The following BCAS3 variants were observed in gnomAD, a reference collection of about 807,000 sequenced individuals.
The protein encoded by BCAS3 is BCAS3 microtubule associated cell migration factor, also known as BCAS4/BCAS3 fusion.
BCAS3 carries 53 observed loss-of-function variants against 116.1 expected under a neutral mutation model. The ratio of observed to expected loss-of-function variants is 0.46; its 90% confidence interval spans 0.37 to 0.57. The LOEUF (loss-of-function observed/expected upper bound fraction) is 0.57, where lower values mean the gene tolerates loss of function less well. Ranked by LOEUF, BCAS3 falls within the 20% of genes least tolerant of loss-of-function variation. The pLI is 0.00. For missense variants in BCAS3, 917 were observed against 1,165.4 expected, an observed-to-expected ratio of 0.79 and a Z score of 3.10; for synonymous variants, 391 against 408.2, an observed-to-expected ratio of 0.96 and a Z score of 0.51.
rs1380522155 is a variant in BCAS3 at position 61,278,418 on chromosome 17, A to T, written c.2426-89909A>T. Among the ~76,000 whole-genome samples, 4 of 151,974 alleles carry T rather than the reference A, an allele frequency of 2.6e-5. No homozygotes were observed. Among genetic ancestry groups the T allele is most frequent in the African/African-American group, 4.8e-5 (2 of 41,386 alleles). ...TCAAACTCCTGGGCTCACATGATCC[A>T]CCCACCTTGGCCTCCCACAGTGCTG... On this transcript the variant is annotated intron_variant, in intron 22 of 23. Coordinates refer to ENST00000407086, the MANE Select transcript of BCAS3 (RefSeq NM_017679.5). This position sits in a 1 kb window ranked among gnomAD's most constrained non-coding sequence, Gnocchi z 5.8.
In BCAS3 at chr17:61,041,832, T is replaced by C. The variant is rs1352968987; in HGVS notation, c.2029+940T>C. On this transcript the variant is annotated intron_variant, in intron 19 of 23. Transcript: ENST00000407086. The surrounding 1 kb of genome is among the most constrained non-coding windows in gnomAD (Gnocchi z 4.7). ...TTGGCAGTCTTGCTCTCTCATATTA[T>C]TGTTGAACTCTCTGCTTTTTCTAGG... 6.6e-6 allele frequency among the ~76,000 whole-genome samples: 1 copy of C among 152,064 alleles called. No individual in the cohort carries two copies. The highest frequency in any genetic ancestry group is 2.4e-5 in the African/African-American group (1 of 41,454).
rs181061175 is a variant in BCAS3, at chr17:61,392,228, A to G, written c.*103A>G. On this transcript the variant is annotated 3_prime_UTR_variant, in exon 24 of 24. Transcript: ENST00000407086. This position sits in a 1 kb window ranked among gnomAD's most constrained non-coding sequence, Gnocchi z 6.4. ...TTCAGTCTCTGCTCTTCCTTCATCAACCACCTTCCCCAAGCTTAGTGACAG... is the reference window on the plus strand; with the variant it reads ...TTCAGTCTCTGCTCTTCCTTCATCAGCCACCTTCCCCAAGCTTAGTGACAG... 479 of 1,365,812 alleles carry G rather than the reference A, an allele frequency of 3.5e-4. No individual in the cohort carries two copies. In the African/African-American group the frequency reaches 6.7e-3, roughly 19 times the overall value. 84.6% of individuals were successfully genotyped at this position (1,365,812 alleles called of 1,614,324 possible). A position where few individuals can be genotyped will look rare whatever the true frequency, so the allele number is the denominator to read the frequency against.
chr17:60,685,919 G>A (rs1369461355), intron 3 of BCAS3, among the ~76,000 whole-genome samples: 1 of 151,688 alleles, frequency 6.6e-6, no homozygotes, highest in African/African-American at 2.4e-5. Flanking sequence ...TCCCAGAGTG[G>A]AGTGCAGTGG....
At chr17:61,016,776 A>G (rs3785869) in intron 16 of BCAS3, among the ~76,000 whole-genome samples, 10,651 of 152,198 alleles carry the variant, frequency 0.07, 1,119 homozygotes, top group African/African-American at 0.23. Flanking sequence ...GTTCTTTCCA[A>G]TGAAAGGAAT....
intron 6 of BCAS3, among the ~76,000 whole-genome samples, chr17:60,795,442 TC>T (rs1191508838): frequency 6.6e-6 from 1 of 152,162 alleles, no homozygotes; most frequent in African/African-American, 2.4e-5. Flanking sequence ...GGCTAGGACT[TC>T]CAGTACTATG....
At position 61,083,109 on chromosome 17, in the gene BCAS3, A is replaced by T. The variant is rs2072773047; in HGVS notation, c.2328-1358A>T. Among the ~76,000 whole-genome samples the T allele has an allele frequency of 6.6e-6, 1 of 152,176 alleles. No homozygotes were observed. The highest frequency in any genetic ancestry group is 1.5e-5 in the Non-Finnish European group (1 of 68,040). On this transcript the variant is annotated intron_variant, in intron 21 of 23. Coordinates refer to ENST00000407086, the MANE Select transcript of BCAS3 (RefSeq NM_017679.5). This position sits in a 1 kb window ranked among gnomAD's most constrained non-coding sequence, Gnocchi z 4.9. ...ACTAATCTAAGTTTCTATATGTTGT[A>T]GTCCTGTGCTTAAAGGGCATTTCTT... is the stretch of plus-strand genomic sequence containing the variant.
intron 15 of BCAS3, among the ~76,000 whole-genome samples, chr17:61,010,172 G>A (rs985964388): frequency 1.3e-5 from 2 of 150,460 alleles, no homozygotes; most frequent in African/African-American, 2.5e-5. Flanking sequence ...TTCCTCCAGC[G>A]TGGCAACAAA....
At chr17:60,976,089 C>T (rs1037224005) in intron 14 of BCAS3, among the ~76,000 whole-genome samples, 2 of 134,572 alleles carry the variant, frequency 1.5e-5, no homozygotes, top group African/African-American at 5.7e-5. Flanking sequence ...AGTGCAGTGG[C>T]TCACTGCAAG....
intron 7 of BCAS3, among the ~76,000 whole-genome samples, chr17:60,814,647 C>T (rs545437967): frequency 2.6e-5 from 4 of 152,096 alleles, no homozygotes; most frequent in Non-Finnish European, 5.9e-5. Context: ...TCTGCATAAG[C>T]AAAAGATACT....
At position 61,333,180 on chromosome 17, in the gene BCAS3, G is replaced by A. The variant is rs2056426932; in HGVS notation, c.2426-35147G>A. Among the ~76,000 whole-genome samples the A allele has an allele frequency of 6.6e-6, 1 of 152,164 alleles. No homozygotes were observed. The highest frequency in any genetic ancestry group is 1.5e-5 in the Non-Finnish European group (1 of 68,030). ...GGTGGGTCAGAGAGGACACCTGTGT[G>A]ATCAGAGAAACAAAGTCTGGTGAGA... On this transcript the variant is annotated intron_variant, in intron 22 of 23. Coordinates refer to ENST00000407086, the MANE Select transcript of BCAS3 (RefSeq NM_017679.5). The surrounding 1 kb of genome is among the most constrained non-coding windows in gnomAD (Gnocchi z 4.8).
chr17:60,726,870 T>A (rs1027449545), intron 5 of BCAS3, among the ~76,000 whole-genome samples: 5 of 152,054 alleles, frequency 3.3e-5, no homozygotes, highest in African/African-American at 1.2e-4. Context: ...TGAAAAAAAA[T>A]TGTTATAACT....
rs890876439 is a variant in BCAS3, at chr17:61,365,623, C to G, written c.2426-2704C>G. ...TGCTGGGATTACAGGCGTGAGCCAC[C>G]GTGCCTGGCCCAATTTCTTTTGTTT... On this transcript the variant is annotated intron_variant, in intron 22 of 23. Coordinates refer to ENST00000407086, the MANE Select transcript of BCAS3 (RefSeq NM_017679.5). The surrounding 1 kb of genome is among the most constrained non-coding windows in gnomAD (Gnocchi z 4.6). 6.6e-6 allele frequency among the ~76,000 whole-genome samples: 1 copy of G among 152,064 alleles called. No homozygotes were observed. The highest frequency in any genetic ancestry group is 1.5e-5 in the Non-Finnish European group (1 of 67,998).
At chr17:60,879,792 A>G (rs1392050941) in intron 9 of BCAS3, among the ~76,000 whole-genome samples, 2 of 152,258 alleles carry the variant, frequency 1.3e-5, no homozygotes, top group African/African-American at 4.8e-5. Flanking sequence ...AATAACAAAT[A>G]GAACAAATGG....
chr17:60,810,711 C>A, intron 7 of BCAS3: 1 of 665,556 alleles, frequency 1.5e-6, no homozygotes, highest in South Asian at 1.4e-5. Flanking sequence ...AGAGGGACAT[C>A]CATGGGCTCT....
At chr17:61,085,584 G>A (rs879272039) in intron 22 of BCAS3, among the ~76,000 whole-genome samples, 9 of 152,152 alleles carry the variant, frequency 5.9e-5, no homozygotes, top group Non-Finnish European at 1.2e-4. Context: ...TTAGTGGATT[G>A]TACCTTGCAT....
chr17:61,372,973 C>T (rs1003197081), intron 23 of BCAS3, among the ~76,000 whole-genome samples: 4 of 152,168 alleles, frequency 2.6e-5, no homozygotes, highest in East Asian at 1.9e-4. Flanking sequence ...TTTTCTCTTT[C>T]GACTTTAACT....
chr17:60,799,204 G>A (rs1368032935), intron 6 of BCAS3, among the ~76,000 whole-genome samples: 1 of 152,022 alleles, frequency 6.6e-6, no homozygotes, highest in African/African-American at 2.4e-5. Flanking sequence ...AGCAATTCTA[G>A]CAAGAAGTTT....
At chr17:61,274,476 A>G (rs1432398435) in intron 22 of BCAS3, among the ~76,000 whole-genome samples, 1 of 151,596 alleles carries the variant, frequency 6.6e-6, no homozygotes, top group Non-Finnish European at 1.5e-5. Context: ...TTTAGTAGAG[A>G]TGGGGTTTCA....
chr17:61,048,476 G>A (rs1478057948), intron 19 of BCAS3, among the ~76,000 whole-genome samples: 4 of 152,018 alleles, frequency 2.6e-5, no homozygotes, highest in Admixed American at 6.5e-5. Context: ...TCCCTCAGTT[G>A]AGGAGACAGA....
Sources: allele counts gnomAD v4.1 joint callset (sites outside exome capture counted in the v4.1 genomes callset), GRCh38; gene constraint gnomAD v4.1.1; non-coding constraint Gnocchi (gnomAD v3.1); transcripts MANE v1.5; gene names NCBI Gene and HGNC (gene_info 2026-07-23, HGNC 2026-07-21).